ZCWPW2: variants seen among roughly 807,000 people sequenced by gnomAD.
ZCWPW2 encodes zinc finger CW-type PWWP domain protein 2.
ZCWPW2 carries 45 observed loss-of-function variants against 46.6 expected under a neutral mutation model. The observed-to-expected ratio is 0.96, with a 90% CI of 0.76 to 1.24. The LOEUF is 1.24. Among genes scored for constraint, ZCWPW2 ranks in the 50% most tolerant of loss-of-function variants. ZCWPW2 has a pLI of 0.00. For missense variants in ZCWPW2, 429 were observed against 403.9 expected (o/e 1.06, Z -0.53); for synonymous variants, 152 against 137.1 (o/e 1.11, Z -0.76).
chr3:28,371,410 A>T (rs913817868), intron 1 of ZCWPW2, among the ~76,000 whole-genome samples: 1 of 152,182 alleles, frequency 6.6e-6, no homozygotes. Flanking sequence ...TGGGAGGAGA[A>T]ATCAAGTGTA....
At position 28,524,709 on chromosome 3, in the gene ZCWPW2, T is replaced by A. The variant is rs780109338; in HGVS notation, c.*21T>A. On this transcript the variant is annotated 3_prime_UTR_variant, in exon 10 of 10. Coordinates refer to ENST00000383768, the MANE Select transcript of ZCWPW2 (RefSeq NM_001040432.4). ...TTTAGAACATTATACATTTTTCAAATTAATTATAAAAATATTGGCATCTTT... is the reference window on the plus strand; with the variant it reads ...TTTAGAACATTATACATTTTTCAAAATAATTATAAAAATATTGGCATCTTT... 26 of 1,442,792 alleles carry A rather than the reference T, an allele frequency of 1.8e-5. No homozygotes were observed. The African/African-American group carries it at 3.7e-4, about 20-fold the overall frequency. The allele number at this position is 1,442,792 out of a possible 1,614,324, so 89.4% of individuals were successfully genotyped here.
At chr3:28,401,192 C>G (rs1170589859) in intron 2 of ZCWPW2, among the ~76,000 whole-genome samples, 1 of 150,770 alleles carries the variant, frequency 6.6e-6, no homozygotes, top group East Asian at 1.9e-4. Flanking sequence ...AAAAAACAAA[C>G]AAAAAAGACA....
chr3:28,467,699 A>G (rs1226311342), intron 4 of ZCWPW2, among the ~76,000 whole-genome samples: 1 of 152,198 alleles, frequency 6.6e-6, no homozygotes, highest in Non-Finnish European at 1.5e-5. Flanking sequence ...TCTGCCTGAT[A>G]TTCTAGAGAA....
Position 28,435,183 on chromosome 3 carries a change from G to C in ZCWPW2, c.406G>C (p.Glu136Gln). Residue 136 changes from glutamate to glutamine, a missense_variant, in exon 4 of 10, where the codon GAG (glutamate) becomes CAG (glutamine). Coordinates refer to ENST00000383768, the MANE Select transcript of ZCWPW2 (RefSeq NM_001040432.4). ...VTYDPDGNVE[E>Q]YHIEFLGDPH... The stretch of plus-strand genomic sequence containing the variant: ...TTATGACCCGGATGGAAATGTTGAA[G>C]AGTATCACATAGAATTCCTGGGCGA... 1 of 1,613,728 alleles carries C rather than the reference G, an allele frequency of 6.2e-7. No individual in the cohort carries two copies. The highest frequency in any genetic ancestry group is 2.2e-5 in the East Asian group (1 of 44,804).
chr3:28,511,232 A>C lies in ZCWPW2; in HGVS notation c.658-2832A>C, dbSNP rs575385380. The C allele has an allele frequency of 1.5e-3, 447 of 297,450 alleles. 1 individual carries two copies. Among genetic ancestry groups the C allele is most frequent in the Non-Finnish European group, 2.3e-3 (335 of 143,244 alleles). 18.4% of individuals were successfully genotyped at this position (297,450 alleles called of 1,614,324 possible). On this transcript the variant is annotated intron_variant, in intron 6 of 9. Transcript: ENST00000383768. ...GTTAACCAACTAGGAGCAAATGTCT[A>C]TTCTTTATATGGGTCATATTGTTGG... is the stretch of plus-strand genomic sequence containing the variant.
chr3:28,468,640 C>T (rs779063950), intron 4 of ZCWPW2, among the ~76,000 whole-genome samples: 2 of 152,164 alleles, frequency 1.3e-5, no homozygotes, highest in African/African-American at 2.4e-5. Flanking sequence ...GGAAACCTTA[C>T]AGGCCAGGAG....
chr3:28,353,925 A>G (rs1384697305), intron 1 of ZCWPW2, among the ~76,000 whole-genome samples: 2 of 152,336 alleles, frequency 1.3e-5, no homozygotes, highest in Admixed American at 1.3e-4. Flanking sequence ...AGTAAGAGAA[A>G]TGCTCGTCTG....
At chr3:28,369,517 G>T (rs928233175) in intron 1 of ZCWPW2, among the ~76,000 whole-genome samples, 6 of 152,170 alleles carry the variant, frequency 3.9e-5, no homozygotes, top group Admixed American at 6.5e-5. Flanking sequence ...TCCTCTGGAA[G>T]TTTTGTCTCA....
rs560250648 is a variant in ZCWPW2, at chr3:28,515,457, A to C, written c.717-97A>C. The C allele has an allele frequency of 1.0e-5, 9 of 872,920 alleles. No homozygotes were observed. The East Asian group carries it at 2.1e-4, about 21-fold the overall frequency. The allele number at this position is 872,920 out of a possible 1,614,324, so 54.1% of individuals were successfully genotyped here. A position where few individuals can be genotyped will look rare whatever the true frequency, so the allele number is the denominator to read the frequency against. On this transcript the variant is annotated intron_variant, in intron 7 of 9. Coordinates refer to ENST00000383768, the MANE Select transcript of ZCWPW2 (RefSeq NM_001040432.4). ...AGAATTACCTTTAGAAAATATATGC[A>C]TTTATAATCTACAGTTACCAATGAA...
At chr3:28,436,888 G>T (rs1004931981) in intron 4 of ZCWPW2, among the ~76,000 whole-genome samples, 12 of 152,200 alleles carry the variant, frequency 7.9e-5, no homozygotes, top group Non-Finnish European at 1.6e-4. Flanking sequence ...TGCTCATGAA[G>T]CTGACCTTAG....
intron 1 of ZCWPW2, among the ~76,000 whole-genome samples, chr3:28,369,093 G>C (rs374626558): frequency 3.3e-5 from 5 of 152,060 alleles, no homozygotes; most frequent in African/African-American, 1.2e-4. Flanking sequence ...ACTTCTTTGT[G>C]ATGGGTTCGA....
At chr3:28,413,820 G>C (rs1207737803) in intron 3 of ZCWPW2, among the ~76,000 whole-genome samples, 1 of 151,946 alleles carries the variant, frequency 6.6e-6, no homozygotes, top group African/African-American at 2.4e-5. Flanking sequence ...TAAATCTGTT[G>C]TAATCAGTTC....
intron 6 of ZCWPW2, among the ~76,000 whole-genome samples, chr3:28,505,763 GATT>G (rs1700259625): frequency 6.6e-6 from 1 of 151,992 alleles, no homozygotes; most frequent in African/African-American, 2.4e-5. Context: ...GCTCTTTAGT[GATT>G]ATTGACTGAC....
At position 28,524,822 on chromosome 3, in the gene ZCWPW2, T is replaced by G; in HGVS notation, c.*134T>G. 1 of 751,924 alleles carries G rather than the reference T, an allele frequency of 1.3e-6. No individual in the cohort carries two copies. Among genetic ancestry groups the G allele is most frequent in the South Asian group, 4.7e-5 (1 of 21,076 alleles). The allele number at this position is 751,924 out of a possible 1,614,324, so 46.6% of individuals were successfully genotyped here. A position where few individuals can be genotyped will look rare whatever the true frequency, so the allele number is the denominator to read the frequency against. The stretch of plus-strand genomic sequence containing the variant: ...TTTATATTTGCGGTAACTTTCTACT[T>G]CATATTTTGAGAATGGCCATGATTT... On this transcript the variant is annotated 3_prime_UTR_variant, in exon 10 of 10. Coordinates refer to ENST00000383768, the MANE Select transcript of ZCWPW2 (RefSeq NM_001040432.4).
intron 1 of ZCWPW2, among the ~76,000 whole-genome samples, chr3:28,387,469 A>C (rs1040413268): frequency 2.0e-5 from 3 of 152,200 alleles, no homozygotes; most frequent in African/African-American, 7.2e-5. Flanking sequence ...AGTCTCCAAG[A>C]CAGTTACACT....
chr3:28,382,162 CAAAAAA>C (rs1237903671), intron 1 of ZCWPW2, among the ~76,000 whole-genome samples: 3 of 81,376 alleles, frequency 3.7e-5, no homozygotes, highest in African/African-American at 9.2e-5. Flanking sequence ...AACTGCATCT[CAAAAAA>C]AAAAAAAAAA....
intron 1 of ZCWPW2, among the ~76,000 whole-genome samples, chr3:28,384,912 G>A (rs75662392): frequency 0.026 from 3,925 of 152,166 alleles, 74 homozygotes; most frequent in Non-Finnish European, 0.039. Flanking sequence ...CACCGTGCCC[G>A]GCCAGCCAAT....
At chr3:28,369,500 T>A (rs969418294) in intron 1 of ZCWPW2, among the ~76,000 whole-genome samples, 1 of 152,182 alleles carries the variant, frequency 6.6e-6, no homozygotes, top group Non-Finnish European at 1.5e-5. Context: ...TGTTGCTGCC[T>A]GATCATTCCT....
chr3:28,403,995 A>G (rs1310679802), intron 2 of ZCWPW2, among the ~76,000 whole-genome samples: 2 of 152,208 alleles, frequency 1.3e-5, no homozygotes, highest in Non-Finnish European at 2.9e-5. Context: ...CATGGACTTC[A>G]TGACCAAGAA....
Sources: allele counts gnomAD v4.1 joint callset (sites outside exome capture counted in the v4.1 genomes callset), GRCh38; gene constraint gnomAD v4.1.1; transcripts MANE v1.5; gene names NCBI Gene and HGNC (gene_info 2026-07-23, HGNC 2026-07-21).